TECR: variants seen among roughly 807,000 people sequenced by gnomAD.
TECR encodes the protein trans-2,3-enoyl-CoA reductase, also known as very-long-chain enoyl-CoA reductase.
A neutral mutation model predicts 50.6 loss-of-function variants in TECR; 19 were observed. The observed-to-expected ratio is 0.38, with a 90% CI of 0.26 to 0.55. The LOEUF (loss-of-function observed/expected upper bound fraction) is 0.55, where lower values mean the gene tolerates loss of function less well. Ranked by LOEUF, TECR falls within the 20% of genes least tolerant of loss-of-function variation. The pLI is 0.79. For missense variants in TECR, 313 were observed against 408.3 expected (o/e 0.77, Z 2.01); for synonymous variants, 168 against 163.5 (o/e 1.03, Z -0.21).
intron 1 of TECR, among the ~76,000 whole-genome samples, chr19:14,543,605 A>AT (rs1477917560): frequency 2.1e-5 from 3 of 145,366 alleles, no homozygotes; most frequent in African/African-American, 7.6e-5. Context: ...CGCCCGGCTA[A>AT]TTTTTTGTAT....
chr19:14,541,839 A>G (rs375675809), intron 1 of TECR, among the ~76,000 whole-genome samples: 7 of 151,312 alleles, frequency 4.6e-5, no homozygotes, highest in Admixed American at 3.3e-4. Context: ...CTGGAGTGCA[A>G]TGGCACAATC....
chr19:14,565,771 C>G lies in TECR; in HGVS notation c.827C>G (p.Thr276Ser). 2 of 1,611,108 alleles carry G rather than the reference C, an allele frequency of 1.2e-6. No individual in the cohort carries two copies. The highest frequency in any genetic ancestry group is 1.7e-6 in the Non-Finnish European group (2 of 1,179,314). Residue 276 changes from threonine to serine, a missense_variant, in exon 13 of 13, where the codon ACC (threonine) becomes AGC (serine). Transcript: ENST00000215567. Reference sequence around the variant, plus strand: ...GCCCTGTTCTCCCTGGTGGGCTTCACCCAGATGACCATCTGGGCCAAGGGC... The same window carrying G: ...GCCCTGTTCTCCCTGGTGGGCTTCAGCCAGATGACCATCTGGGCCAAGGGC... Reference protein sequence around the residue: ...PVALFSLVGFTQMTIWAKGKH... With the variant: ...PVALFSLVGFSQMTIWAKGKH...
chr19:14,554,488 C>T (rs1328779915), intron 1 of TECR, among the ~76,000 whole-genome samples: 2 of 152,140 alleles, frequency 1.3e-5, no homozygotes, highest in Non-Finnish European at 2.9e-5. Flanking sequence ...GCCATTGAAC[C>T]TGCTTGTTTA....
intron 1 of TECR, among the ~76,000 whole-genome samples, chr19:14,555,170 C>T (rs2073674728): frequency 6.6e-6 from 1 of 151,914 alleles, no homozygotes. Flanking sequence ...CCTGGAACTC[C>T]TAGGCTTAAG....
rs1195610497 is a variant in TECR, at chr19:14,563,598, G to A, written c.119-60G>A. 3 of 1,606,112 alleles carry A rather than the reference G, an allele frequency of 1.9e-6. No homozygotes were observed. Among genetic ancestry groups the A allele is most frequent in the Non-Finnish European group, 2.5e-6 (3 of 1,177,154 alleles). ...CCTGAGAAGCTGGCACAGTGGCTGG[G>A]CAGCGGACCGGCTGAGCCCTGCCAG... On this transcript the variant is annotated intron_variant, in intron 3 of 12. Transcript: ENST00000215567. The surrounding 1 kb of genome is among the most constrained non-coding windows in gnomAD (Gnocchi z 5.3).
At chr19:14,529,834 G>C in intron 1 of TECR, 123 bp downstream of exon 1, 1 of 1,409,858 alleles carries the variant, frequency 7.1e-7, no homozygotes, top group Non-Finnish European at 9.9e-7. Context: ...CGGCGCAGGC[G>C]CAGTGGGCAA....
At chr19:14,545,614 A>G in intron 1 of TECR, 1 of 193,748 alleles carries the variant, frequency 5.2e-6, no homozygotes, top group South Asian at 8.8e-5. Flanking sequence ...TTCATCACTG[A>G]GCCCAGCAGC....
intron 1 of TECR, among the ~76,000 whole-genome samples, chr19:14,560,525 C>T (rs1181791086): frequency 1.3e-5 from 2 of 152,246 alleles, no homozygotes; most frequent in Non-Finnish European, 2.9e-5. Flanking sequence ...CTACATATCC[C>T]CTTGGTGGGG....
At chr19:14,528,769 C>T (rs1265258412), upstream of TECR, among the ~76,000 whole-genome samples, 4 of 151,746 alleles carry the variant, frequency 2.6e-5, no homozygotes, top group Non-Finnish European at 1.5e-5. Flanking sequence ...GGGGAAACCC[C>T]GTCTCTACTA....
chr19:14,531,066 G>A (rs1435523544), intron 1 of TECR: 2 of 152,032 alleles, frequency 1.3e-5, no homozygotes, highest in Non-Finnish European at 2.9e-5. Context: ...CAGAGTTTCG[G>A]TCTTATTGCC....
At chr19:14,559,020 T>A (rs977782158) in intron 1 of TECR, among the ~76,000 whole-genome samples, 1 of 151,786 alleles carries the variant, frequency 6.6e-6, no homozygotes, top group South Asian at 2.1e-4. Context: ...GAGATTGGGG[T>A]GGCAGTGGGG....
chr19:14,557,998 G>T (rs368887696), intron 1 of TECR, among the ~76,000 whole-genome samples: 1 of 151,922 alleles, frequency 6.6e-6, no homozygotes, highest in South Asian at 2.1e-4. Context: ...CTCGTGATTC[G>T]CCCGCCTCGG....
At chr19:14,552,172 CT>C (rs536176918) in intron 1 of TECR, among the ~76,000 whole-genome samples, 2,872 of 133,350 alleles carry the variant, frequency 0.022, 49 homozygotes, top group Admixed American at 0.047. Context: ...TTTCTTTTTT[CT>C]TTTTTTTTTT....
chr19:14,546,634 T>G (rs948180181), intron 1 of TECR, among the ~76,000 whole-genome samples: 2 of 152,214 alleles, frequency 1.3e-5, no homozygotes, highest in African/African-American at 4.8e-5. Context: ...GCCTGGATTT[T>G]TCTTTCTATG....
intron 1 of TECR, among the ~76,000 whole-genome samples, chr19:14,557,130 T>TG (rs199805570): frequency 0.11 from 16,332 of 150,106 alleles, 1,133 homozygotes; most frequent in African/African-American, 0.19. Flanking sequence ...TATTTATTTA[T>TG]TTATTTATTT....
intron 1 of TECR, among the ~76,000 whole-genome samples, chr19:14,559,786 C>CAA (rs5827240): frequency 7.2e-6 from 1 of 139,064 alleles, no homozygotes; most frequent in South Asian, 2.3e-4. Flanking sequence ...GACTCTGTCT[C>CAA]AAAAAAAAAA....
chr19:14,560,184 T>C (rs1320260254), intron 1 of TECR, among the ~76,000 whole-genome samples: 1 of 152,164 alleles, frequency 6.6e-6, no homozygotes, highest in East Asian at 1.9e-4. Flanking sequence ...ATGGCCGTAC[T>C]CTCCCTCTTG....
chr19:14,549,565 G>T (rs979509489), intron 1 of TECR, among the ~76,000 whole-genome samples: 66 of 151,980 alleles, frequency 4.3e-4, no homozygotes, highest in Admixed American at 4.3e-3. Context: ...GGGCTCAAGT[G>T]ATCCTCCTGC....
chr19:14,547,570 T>A (rs1654052911), intron 1 of TECR, among the ~76,000 whole-genome samples: 1 of 152,030 alleles, frequency 6.6e-6, no homozygotes, highest in Admixed American at 6.6e-5. Flanking sequence ...CCATGTTAGC[T>A]AGGATGGTCT....
Sources: gnomAD v4.1 joint callset for allele counts (sites outside exome capture counted in the v4.1 genomes callset) on GRCh38, gnomAD v4.1.1 for gene constraint, Gnocchi (gnomAD v3.1) non-coding constraint, MANE v1.5 for transcripts, NCBI Gene and HGNC (gene_info 2026-07-23, HGNC 2026-07-21) for gene names.